SPEG: variants seen among roughly 807,000 people sequenced by gnomAD.
SPEG encodes striated muscle preferentially expressed protein kinase.
In SPEG, 114 loss-of-function variants were observed where a neutral mutation model predicts 300.4. The observed-to-expected ratio is 0.38, with a 90% confidence interval of 0.33 to 0.44. SPEG has a LOEUF of 0.44. SPEG is among the 20% of genes least tolerant of loss of function. SPEG has a pLI of 1.00. For missense variants in SPEG, 4,201 were observed against 4,586.2 expected, an observed-to-expected ratio of 0.92 and a Z score of 2.43; for synonymous variants, 1,964 against 2,018.9, an observed-to-expected ratio of 0.97 and a Z score of 0.73.
chr2:219,448,563 C>T lies in SPEG; in HGVS notation c.1405C>T (p.Leu469=). ...APGSVAERRR[L]FQQKAASLDE... Reference sequence around the variant, plus strand: ...AGGCAGCGTGGCCGAGCGGCGCCGCCTGTTCCAGCAGAAAGCGGCCTCGCT... The same window carrying T: ...AGGCAGCGTGGCCGAGCGGCGCCGCTTGTTCCAGCAGAAAGCGGCCTCGCT... Residue 469 remains leucine (L), a synonymous_variant, in exon 4 of 41, where the codon CTG becomes TTG. Coordinates refer to ENST00000312358, the MANE Select transcript of SPEG (RefSeq NM_005876.5). The T allele has an allele frequency of 6.9e-7, 1 of 1,450,964 alleles. No homozygotes were observed. The highest frequency in any genetic ancestry group is 9.0e-7 in the Non-Finnish European group (1 of 1,110,034). 89.9% of individuals were successfully genotyped at this position (1,450,964 alleles called of 1,614,324 possible).
chr2:219,458,474 C>CGGA lies in SPEG; in HGVS notation c.2441-3407_2441-3405dup. On this transcript the variant is annotated intron_variant, in intron 6 of 40. Transcript: ENST00000312358. The surrounding 1 kb of genome is among the most constrained non-coding windows in gnomAD (Gnocchi z 4.2). ...TGGCCCCAGCCCCGACCTACTGAAT[C>CGGA]GGAAATTCCGTGGGTGGGGCCCAGC... 6.6e-6 allele frequency among the ~76,000 whole-genome samples: 1 copy of CGGA among 151,930 alleles called. No homozygotes were observed. Among genetic ancestry groups the CGGA allele is most frequent in the Non-Finnish European group, 1.5e-5 (1 of 68,012 alleles).
chr2:219,444,133 G>T lies in SPEG; in HGVS notation c.389-520G>T. On this transcript the variant is annotated intron_variant, in intron 1 of 40. Transcript: ENST00000312358. This position sits in a 1 kb window ranked among gnomAD's most constrained non-coding sequence, Gnocchi z 7.8. Reference sequence around the variant, plus strand: ...CCCGGCCCCGGCCTCTCCTCACCCTGCCTCAGCTGCACCCGATGCCTTGCA... The same window carrying T: ...CCCGGCCCCGGCCTCTCCTCACCCTTCCTCAGCTGCACCCGATGCCTTGCA... The T allele has an allele frequency of 8.9e-7, 1 of 1,122,030 alleles. No individual in the cohort carries two copies. The highest frequency in any genetic ancestry group is 1.2e-6 in the Non-Finnish European group (1 of 818,186). 69.5% of individuals were successfully genotyped at this position (1,122,030 alleles called of 1,614,324 possible).
chr2:219,462,645 G>A (rs1455678197), intron 8 of SPEG, among the ~76,000 whole-genome samples: 3 of 152,236 alleles, frequency 2.0e-5, no homozygotes, highest in African/African-American at 7.2e-5. Flanking sequence ...GACTGGGTGC[G>A]GTGGCTCACG....
rs1282707532 is a variant in SPEG, at chr2:219,479,465, C to G, written c.5085+264C>G. Among the ~76,000 whole-genome samples the G allele has an allele frequency of 2.6e-5, 4 of 152,208 alleles. No homozygotes were observed. Among genetic ancestry groups the G allele is most frequent in the Non-Finnish European group, 4.4e-5 (3 of 68,020 alleles). On this transcript the variant is annotated intron_variant, in intron 23 of 40. Coordinates refer to ENST00000312358, the MANE Select transcript of SPEG (RefSeq NM_005876.5). This position sits in a 1 kb window ranked among gnomAD's most constrained non-coding sequence, Gnocchi z 5.5. ...TGTTTCCCACTCTTCATCACATAAA[C>G]ATCCCCCAAACATTTCTCCTGGAAG... is the stretch of plus-strand genomic sequence containing the variant.
rs966754296 is a variant in SPEG, at chr2:219,448,957, G to A, written c.1799G>A (p.Arg600Gln). 6 of 1,509,002 alleles carry A rather than the reference G, an allele frequency of 4.0e-6. No homozygotes were observed. In the African/African-American group the frequency reaches 7.3e-5, roughly 18 times the overall value. The allele number at this position is 1,509,002 out of a possible 1,614,324, so 93.5% of individuals were successfully genotyped here. A position where few individuals can be genotyped will look rare whatever the true frequency, so the allele number is the denominator to read the frequency against. Reference protein sequence around the residue: ...VRRRDQFPLTRSRAIQECRSP... With the variant: ...VRRRDQFPLTQSRAIQECRSP... ...CGTCGGGACCAATTCCCGCTGACCC[G>A]GAGCAGAGCCATCCAGGAGTGCAGG... Residue 600 changes from arginine to glutamine, a missense_variant, in exon 4 of 41, where the codon CGG becomes CAG. Physicochemically the swap from Arg to Gln is conservative, Grantham distance 43 (BLOSUM62 1). Transcript: ENST00000312358.
intron 9 of SPEG, chr2:219,465,898 TG>T: frequency 1.5e-6 from 1 of 656,414 alleles, no homozygotes; most frequent in South Asian, 1.8e-5. Flanking sequence ...TGTGTGCGTA[TG>T]GGTGTGTGCA....
At position 219,449,085 on chromosome 2, in the gene SPEG, T is replaced by G; in HGVS notation, c.1927T>G (p.Trp643Gly). The G allele has an allele frequency of 6.6e-7, 1 of 1,509,212 alleles. No homozygotes were observed. Among genetic ancestry groups the G allele is most frequent in the Non-Finnish European group, 8.9e-7 (1 of 1,129,468 alleles). 93.5% of individuals were successfully genotyped at this position (1,509,212 alleles called of 1,614,324 possible). A position where few individuals can be genotyped will look rare whatever the true frequency, so the allele number is the denominator to read the frequency against. Residue 643 changes from tryptophan to glycine, a missense_variant, in exon 4 of 41, where the codon TGG becomes GGG. By Grantham distance (184) the Trp-to-Gly change is radical. Coordinates refer to ENST00000312358, the MANE Select transcript of SPEG (RefSeq NM_005876.5). ...PPAQAVRFLP[W>G]ATPGLEGAAV... The stretch of plus-strand genomic sequence containing the variant: ...GGCGCAGGCCGTGCGCTTCCTGCCC[T>G]GGGCCACGCCGGGCCTGGAGGGCGC...
intron 6 of SPEG, among the ~76,000 whole-genome samples, chr2:219,454,423 T>TCC (rs1259963829): frequency 6.6e-6 from 1 of 152,130 alleles, no homozygotes; most frequent in Non-Finnish European, 1.5e-5. Context: ...ACCAAAGCAT[T>TCC]CCCCACCGCT....
In SPEG at chr2:219,492,828, C is replaced by T. The variant is rs1223461025; in HGVS notation, c.*42C>T. 2 of 1,525,616 alleles carry T rather than the reference C, an allele frequency of 1.3e-6. No homozygotes were observed. The highest frequency in any genetic ancestry group is 2.4e-5 in the East Asian group (1 of 41,398). 94.5% of individuals were successfully genotyped at this position (1,525,616 alleles called of 1,614,324 possible). ...CAGGCCTCGGGCTTCAACTGGGGTT[C>T]CCACCAATGCCACGGGACATTCCAG... On this transcript the variant is annotated 3_prime_UTR_variant, in exon 41 of 41. Coordinates refer to ENST00000312358, the MANE Select transcript of SPEG (RefSeq NM_005876.5).
Position 219,445,215 on chromosome 2 carries a change from G to GC in SPEG, c.815+55dup. On this transcript the variant is annotated intron_variant, in intron 3 of 40. Transcript: ENST00000312358. The surrounding 1 kb of genome is among the most constrained non-coding windows in gnomAD (Gnocchi z 6.1). ...CTGCCCCATCTCACCACGCTGTCCT[G>GC]CGCTGCCCTCACTGCTCAGTCAGCC... 6.7e-7 allele frequency: 1 copy of GC among 1,485,686 alleles called. No homozygotes were observed. Among genetic ancestry groups the GC allele is most frequent in the Admixed American group, 2.0e-5 (1 of 50,814 alleles). The allele number at this position is 1,485,686 out of a possible 1,614,324, so 92.0% of individuals were successfully genotyped here.
intron 1 of SPEG, chr2:219,441,976 GCCCCGCCTCCGACTCCGCCCCGC>G: frequency 2.8e-6 from 1 of 363,544 alleles, no homozygotes; most frequent in African/African-American, 2.2e-5. Context: ...CTCGCCCCCG[GCCCCGCCTCCGACTCCGCCCCGC>G]CCCCGCCCGT....
Position 219,490,243 on chromosome 2 carries a change from G to A in SPEG, c.8922-166G>A, listed in dbSNP as rs150723111. Reference sequence around the variant, plus strand: ...CTAAGGTACAGAGCCAGTGAGTGGCGAAGGTGGGACTCGAACCCTGGTTTC... The same window carrying A: ...CTAAGGTACAGAGCCAGTGAGTGGCAAAGGTGGGACTCGAACCCTGGTTTC... On this transcript the variant is annotated intron_variant, in intron 36 of 40. Coordinates refer to ENST00000312358, the MANE Select transcript of SPEG (RefSeq NM_005876.5). Among the ~76,000 whole-genome samples the A allele has an allele frequency of 7.1e-3, 1,081 of 152,334 alleles. 9 individuals carry two copies. The highest frequency in any genetic ancestry group is 0.014 in the Middle Eastern group (4 of 294).
At position 219,453,720 on chromosome 2, in the gene SPEG, G is replaced by A. The variant is rs114192221; in HGVS notation, c.2440+1913G>A. ...CCTCCTTAAGTCAGGCTGGCTCGGG[G>A]GCCCCAGGGCCTGGGGGGCAGGCAT... On this transcript the variant is annotated intron_variant, in intron 6 of 40. Coordinates refer to ENST00000312358, the MANE Select transcript of SPEG (RefSeq NM_005876.5). 9.7e-3 allele frequency among the ~76,000 whole-genome samples: 1,483 copies of A among 152,360 alleles called. 30 individuals carry two copies. Among genetic ancestry groups the A allele is most frequent in the African/African-American group, 0.033 (1,382 of 41,584 alleles).
chr2:219,476,084 C>T (rs1692315637), intron 18 of SPEG, among the ~76,000 whole-genome samples: 1 of 152,160 alleles, frequency 6.6e-6, no homozygotes, highest in South Asian at 2.1e-4. Flanking sequence ...TTGCAAAGCA[C>T]ATTGCAATGT....
Position 219,489,583 on chromosome 2 carries a change from C to G in SPEG, c.8565C>G (p.Ala2855=). 6.2e-7 allele frequency: 1 copy of G among 1,613,612 alleles called. No individual in the cohort carries two copies. The highest frequency in any genetic ancestry group is 1.7e-4 in the Middle Eastern group (1 of 6,060). The change falls in exon 36 of 41, where the codon GCC becomes GCG. Residue 2855 remains alanine, a synonymous_variant. Transcript: ENST00000312358. ...GAAGACACAGGGGCCTGCAGGCTGC[C>G]CGGCCAGCGGAGCCCACCCTACCCA... is the stretch of plus-strand genomic sequence containing the variant. ...PPRRHRGLQA[A]RPAEPTLPST...
intron 9 of SPEG, chr2:219,466,839 C>G: frequency 4.5e-6 from 5 of 1,106,086 alleles, no homozygotes; most frequent in Non-Finnish European, 5.5e-6. Flanking sequence ...TTTCTTAACT[C>G]AAATAAAGTC....
intron 1 of SPEG, chr2:219,437,133 C>G (rs1295605829): frequency 6.6e-6 from 1 of 152,208 alleles, no homozygotes; most frequent in Non-Finnish European, 1.5e-5. Flanking sequence ...TATGGCCATC[C>G]CAGAACTAAG....
Position 219,493,052 on chromosome 2 carries a change from G to A in SPEG, c.*266G>A, listed in dbSNP as rs766158077. On this transcript the variant is annotated 3_prime_UTR_variant, in exon 41 of 41. Coordinates refer to ENST00000312358, the MANE Select transcript of SPEG (RefSeq NM_005876.5). ...CAGGCAGAGGGACAAGAGGGGAATGGAGAAGTGGAGAGGAAAAGGAATCGA... is the reference window on the plus strand; with the variant it reads ...CAGGCAGAGGGACAAGAGGGGAATGAAGAAGTGGAGAGGAAAAGGAATCGA... 12 of 685,236 alleles carry A rather than the reference G, an allele frequency of 1.8e-5. No homozygotes were observed. The highest frequency in any genetic ancestry group is 2.9e-5 in the Non-Finnish European group (11 of 374,262). The allele number at this position is 685,236 out of a possible 1,614,324, so 42.4% of individuals were successfully genotyped here.
rs1265007256 is a variant in SPEG, at chr2:219,479,970, C to T, written c.5172C>T (p.Asn1724=). Residue 1724 remains asparagine, a synonymous_variant, in exon 25 of 41, where the codon AAC becomes AAT. Coordinates refer to ENST00000312358, the MANE Select transcript of SPEG (RefSeq NM_005876.5). This position sits in a 1 kb window ranked among gnomAD's most constrained non-coding sequence, Gnocchi z 5.5. Reference sequence around the variant, plus strand: ...CGCCTTGTGTCTTCCAGCCTGAGAACCTGCTGGTGTGGGATGGTGCTGCGG... The same window carrying T: ...CGCCTTGTGTCTTCCAGCCTGAGAATCTGCTGGTGTGGGATGGTGCTGCGG... ...HVLHLDVKPE[N]LLVWDGAAGE... is the part of the protein sequence containing the mutation. The T allele has an allele frequency of 6.2e-7, 1 of 1,614,214 alleles. No individual in the cohort carries two copies. Among genetic ancestry groups the T allele is most frequent in the East Asian group, 2.2e-5 (1 of 44,886 alleles).
Sources: allele counts gnomAD v4.1 joint callset (sites outside exome capture counted in the v4.1 genomes callset), GRCh38; gene constraint gnomAD v4.1.1; non-coding constraint Gnocchi (gnomAD v3.1); transcripts MANE v1.5; gene names NCBI Gene and HGNC (gene_info 2026-07-23, HGNC 2026-07-21).